Variants in FARSB observed in about 807,000 individuals in gnomAD.
FARSB encodes the protein phenylalanyl-tRNA synthetase subunit beta.
A neutral mutation model predicts 69.6 loss-of-function variants in FARSB; 40 were observed. The ratio of observed to expected loss-of-function variants is 0.57; its 90% CI spans 0.45 to 0.75. FARSB has a LOEUF of 0.75. FARSB is among the 30% of genes least tolerant of loss of function. FARSB has a pLI of 0.00. For synonymous variants in FARSB, 235 were observed against 247.2 expected, an observed-to-expected ratio of 0.95 and a Z score of 0.46; for missense variants, 632 against 722.9, an observed-to-expected ratio of 0.87 and a Z score of 1.44.
At chr2:222,609,866 G>A (rs567980435) in intron 15 of FARSB, among the ~76,000 whole-genome samples, 1 of 152,280 alleles carries the variant, frequency 6.6e-6, no homozygotes, top group Non-Finnish European at 1.5e-5. Context: ...ATGTGTGGGA[G>A]GCATATCGAA....
Position 222,656,077 on chromosome 2 carries a change from G to C in FARSB, c.-4C>G. 6.3e-7 allele frequency: 1 copy of C among 1,593,348 alleles called. No homozygotes were observed. The highest frequency in any genetic ancestry group is 2.3e-5 in the East Asian group (1 of 43,530). On this transcript the variant is annotated 5_prime_UTR_variant, in exon 1 of 17. Transcript: ENST00000281828. Reference sequence around the variant, plus strand: ...GCTTCACGCTGACAGTCGGCATGGTGTGTCGAACTCACTGCGCCTGCGCAG... The same window carrying C: ...GCTTCACGCTGACAGTCGGCATGGTCTGTCGAACTCACTGCGCCTGCGCAG...
At chr2:222,649,088 T>C (rs970488057) in intron 1 of FARSB, among the ~76,000 whole-genome samples, 2 of 151,928 alleles carry the variant, frequency 1.3e-5, no homozygotes, top group African/African-American at 4.8e-5. Context: ...TAGCCAGGCA[T>C]GGTGGCGCAT....
chr2:222,626,800 A>T (rs570182660), intron 10 of FARSB, among the ~76,000 whole-genome samples: 1 of 152,306 alleles, frequency 6.6e-6, no homozygotes, highest in African/African-American at 2.4e-5. Context: ...TTGGGAGGCC[A>T]AAGCGGGCGG....
At chr2:222,655,486 TCAGA>T (rs1408986552) in intron 1 of FARSB, among the ~76,000 whole-genome samples, 1 of 152,174 alleles carries the variant, frequency 6.6e-6, no homozygotes, top group Non-Finnish European at 1.5e-5. Context: ...TCTGCCTCCA[TCAGA>T]CAGAACGTGG....
chr2:222,623,634 A>T lies in FARSB; in HGVS notation c.1251+16T>A, dbSNP rs1331966978. ...AGTAAATAATCATCTGGGCAGAAAA[A>T]GCATGTAAGACATACCAGGGCAAAG... On this transcript the variant is annotated intron_variant, in intron 13 of 16. Coordinates refer to ENST00000281828, the MANE Select transcript of FARSB (RefSeq NM_005687.5). 1 of 1,437,406 alleles carries T rather than the reference A, an allele frequency of 7.0e-7. No individual in the cohort carries two copies. Among genetic ancestry groups the T allele is most frequent in the African/African-American group, 1.4e-5 (1 of 71,640 alleles). 89.0% of individuals were successfully genotyped at this position (1,437,406 alleles called of 1,614,324 possible).
intron 5 of FARSB, among the ~76,000 whole-genome samples, chr2:222,635,587 A>G (rs1397985441): frequency 2.0e-5 from 3 of 152,222 alleles, no homozygotes; most frequent in African/African-American, 7.2e-5. Flanking sequence ...ACAAATGCAC[A>G]GGTAAGAAAG....
At chr2:222,642,132 C>T (rs1488733358) in intron 3 of FARSB, among the ~76,000 whole-genome samples, 8 of 151,948 alleles carry the variant, frequency 5.3e-5, no homozygotes, top group Non-Finnish European at 8.8e-5. Context: ...TCCTGAGTAG[C>T]TGGGATTACA....
chr2:222,601,814 C>T (rs899945859), intron 15 of FARSB, among the ~76,000 whole-genome samples: 10 of 152,092 alleles, frequency 6.6e-5, no homozygotes, highest in Non-Finnish European at 1.5e-4. Flanking sequence ...TAGGCACACG[C>T]CACCACACTC....
rs982266168 is a variant in FARSB at position 222,567,119 on chromosome 2, C to G, written c.*4752G>C. ...CTTCTTATCAGGCCACTGAGCCTTTCATGAGGGCCTCCCTCTCATGACCTC... is the reference window on the plus strand; with the variant it reads ...CTTCTTATCAGGCCACTGAGCCTTTGATGAGGGCCTCCCTCTCATGACCTC... On this transcript the variant is annotated 3_prime_UTR_variant, in exon 17 of 17. Coordinates refer to ENST00000281828, the MANE Select transcript of FARSB (RefSeq NM_005687.5). 3.9e-5 allele frequency: 6 copies of G among 152,264 alleles called. No homozygotes were observed. Among genetic ancestry groups the G allele is most frequent in the Admixed American group, 1.3e-4 (2 of 15,288 alleles). 9.4% of individuals were successfully genotyped at this position (152,264 alleles called of 1,614,324 possible).
chr2:222,639,457 G>T, intron 5 of FARSB, 123 bp downstream of exon 5: 1 of 445,156 alleles, frequency 2.2e-6, no homozygotes, highest in East Asian at 3.4e-5. Flanking sequence ...AAGAAAGGAA[G>T]GAGAGAGAGA....
chr2:222,634,924 T>G (rs1448335428), intron 5 of FARSB, among the ~76,000 whole-genome samples: 1 of 152,242 alleles, frequency 6.6e-6, no homozygotes, highest in African/African-American at 2.4e-5. Flanking sequence ...CATGTTTTAA[T>G]AAATTAGAAC....
chr2:222,618,236 C>T (rs1020768127), intron 14 of FARSB, among the ~76,000 whole-genome samples: 1 of 152,148 alleles, frequency 6.6e-6, no homozygotes, highest in Admixed American at 6.5e-5. Context: ...TAATCTACAA[C>T]ATTAGCAGGT....
intron 16 of FARSB, among the ~76,000 whole-genome samples, chr2:222,575,226 G>A (rs187501005): frequency 1.3e-5 from 2 of 152,306 alleles, no homozygotes; most frequent in East Asian, 3.9e-4. Context: ...CTAATGTGCC[G>A]TAAAGCAGAG....
Position 222,572,226 on chromosome 2 carries a change from G to A in FARSB, c.1619-204C>T, listed in dbSNP as rs539526997. ...AACTCTTGCAAGGAAAAAATCCGGG[G>A]CAAATATGAAAATAAGGGCCCTGTA... On this transcript the variant is annotated intron_variant, in intron 16 of 16. Coordinates refer to ENST00000281828, the MANE Select transcript of FARSB (RefSeq NM_005687.5). Among the ~76,000 whole-genome samples, 26 of 152,218 alleles carry A rather than the reference G, an allele frequency of 1.7e-4. 1 individual carries two copies. The South Asian group carries it at 5.0e-3, about 29-fold the overall frequency.
In FARSB at chr2:222,612,512, C is replaced by A. The variant is rs112446307; in HGVS notation, c.1462+1299G>T. ...GTCGATTTACAGTCAATAGTTGTGACTACTTTGGAAAGTTAAGAATGATAT... is the reference window on the plus strand; with the variant it reads ...GTCGATTTACAGTCAATAGTTGTGAATACTTTGGAAAGTTAAGAATGATAT... On this transcript the variant is annotated intron_variant, in intron 15 of 16. Transcript: ENST00000281828. 7.0e-3 allele frequency among the ~76,000 whole-genome samples: 1,067 copies of A among 152,336 alleles called. 5 individuals carry two copies. Among genetic ancestry groups the A allele is most frequent in the African/African-American group, 0.024 (1,015 of 41,578 alleles).
At chr2:222,625,898 T>A (rs1214863103) in intron 10 of FARSB, among the ~76,000 whole-genome samples, 1 of 152,120 alleles carries the variant, frequency 6.6e-6, no homozygotes, top group African/African-American at 2.4e-5. Context: ...ATTATCTGAT[T>A]ATCAGATAAT....
chr2:222,590,197 G>A (rs1341719377), intron 16 of FARSB, among the ~76,000 whole-genome samples: 3 of 152,262 alleles, frequency 2.0e-5, no homozygotes, highest in East Asian at 1.9e-4. Context: ...AAAAAAGGAC[G>A]AGTTCATGTC....
At chr2:222,603,261 T>A (rs191887366) in intron 15 of FARSB, among the ~76,000 whole-genome samples, 1 of 152,328 alleles carries the variant, frequency 6.6e-6, no homozygotes, top group Non-Finnish European at 1.5e-5. Flanking sequence ...TAGCATACAT[T>A]GAGCAAAACT....
intron 16 of FARSB, among the ~76,000 whole-genome samples, chr2:222,578,655 G>A (rs928625977): frequency 2.0e-5 from 3 of 152,038 alleles, no homozygotes; most frequent in Non-Finnish European, 4.4e-5. Flanking sequence ...TGGCCAACAT[G>A]GTGAAACCCC....
Sources: allele counts gnomAD v4.1 joint callset (sites outside exome capture counted in the v4.1 genomes callset), GRCh38; gene constraint gnomAD v4.1.1; transcripts MANE v1.5; gene names NCBI Gene and HGNC (gene_info 2026-07-23, HGNC 2026-07-21).